PSG5: variants seen among roughly 807,000 people sequenced by gnomAD.
PSG5 encodes the protein pregnancy specific beta-1-glycoprotein 5.
Under a neutral mutation model 37.7 loss-of-function variants are expected in PSG5, and 53 were observed. That is an observed-to-expected ratio of 1.41 (90% confidence interval 1.13 to 1.77). PSG5 has a LOEUF of 1.77. Ranked by LOEUF, PSG5 falls within the 40% of genes most tolerant of loss-of-function variation. The pLI, the probability that PSG5 is intolerant of heterozygous loss-of-function variation, is 0.00. For missense variants in PSG5, 547 were observed against 405.2 expected, an observed-to-expected ratio of 1.35 and a Z score of -3.00; for synonymous variants, 221 against 155.4, an observed-to-expected ratio of 1.42 and a Z score of -3.14.
chr19:43,184,388 T>C (rs1405318733), intron 2 of PSG5, among the ~76,000 whole-genome samples: 1 of 151,462 alleles, frequency 6.6e-6, no homozygotes, highest in African/African-American at 2.4e-5. Context: ...GGGACAGAGG[T>C]CTGGGGTTGA....
rs1305997975 is a variant in PSG5 at position 43,172,366 on chromosome 19, A to G, written c.965-2228T>C. ...TGCCTGCTTTTGACACTTTTATTCA[A>G]CATAGTATTGAAAGGTCTAGTCAGA... On this transcript the variant is annotated intron_variant, in intron 4 of 5. Coordinates refer to ENST00000342951, the MANE Select transcript of PSG5 (RefSeq NM_002781.4). Among the ~76,000 whole-genome samples, 4 of 151,680 alleles carry G rather than the reference A, an allele frequency of 2.6e-5. No homozygotes were observed. In the Admixed American group the frequency reaches 2.6e-4, roughly 10 times the overall value.
chr19:43,171,646 A>G, intron 4 of PSG5: 1 of 791,958 alleles, frequency 1.3e-6, no homozygotes, highest in South Asian at 5.0e-5. Flanking sequence ...TAAGAAAAAA[A>G]GAGAAAAGTT....
At chr19:43,178,825 G>T in intron 2 of PSG5, 1 of 1,611,700 alleles carries the variant, frequency 6.2e-7, no homozygotes, top group East Asian at 2.2e-5. Flanking sequence ...CTGGCCTCTG[G>T]CCATGTGTAT....
At position 43,181,611 on chromosome 19, in the gene PSG5, AC is replaced by A. The variant is rs1310461616; in HGVS notation, c.430+3170del. 2.6e-5 allele frequency among the ~76,000 whole-genome samples: 4 copies of A among 151,674 alleles called. 1 individual carries two copies. Among genetic ancestry groups the A allele is most frequent in the Non-Finnish European group, 5.9e-5 (4 of 67,932 alleles). On this transcript the variant is annotated intron_variant, in intron 2 of 5. Transcript: ENST00000342951. The stretch of plus-strand genomic sequence containing the variant: ...GTAGCTGGGACTACAGGCATCCGCC[AC>A]CACGCCCAGCTAATTTTTTGTATTT...
At chr19:43,175,022 G>A (rs1285191395) in intron 4 of PSG5, 193 bp downstream of exon 4, 2 of 1,489,936 alleles carry the variant, frequency 1.3e-6, no homozygotes, top group Non-Finnish European at 9.0e-7. Context: ...CACAAGGTCA[G>A]CCATGAGAAA....
In PSG5 at chr19:43,175,338, G is replaced by A; in HGVS notation, c.841C>T (p.Gln281Ter). The change falls in exon 4 of 6, where the codon CAA becomes TAA. Residue 281 changes from glutamine (Q) to a stop codon, truncating the protein, a stop_gained. Transcript: ENST00000342951. LOFTEE classifies it high-confidence loss of function. ...YFWTINGKFQ[Q>*]SGQKLSIPQI... The stretch of plus-strand genomic sequence containing the variant: ...GGGATAGAGAGCTTTTGTCCTGATT[G>A]CTGAAACTTCCCATTAATTGTCCAA... The A allele has an allele frequency of 6.2e-7, 1 of 1,612,802 alleles. No individual in the cohort carries two copies. Among genetic ancestry groups the A allele is most frequent in the Non-Finnish European group, 8.5e-7 (1 of 1,179,242 alleles).
intron 1 of PSG5, among the ~76,000 whole-genome samples, chr19:43,185,530 G>C (rs1269256441): frequency 1.3e-5 from 2 of 149,622 alleles, no homozygotes; most frequent in African/African-American, 5.0e-5. Context: ...TTCCCTTTCT[G>C]ACCTTTCCCT....
At position 43,181,215 on chromosome 19, in the gene PSG5, T is replaced by A. The variant is rs986213212; in HGVS notation, c.430+3567A>T. 1.2e-4 allele frequency among the ~76,000 whole-genome samples: 18 copies of A among 151,680 alleles called. 1 individual carries two copies. The highest frequency in any genetic ancestry group is 2.9e-4 in the African/African-American group (12 of 41,218). On this transcript the variant is annotated intron_variant, in intron 2 of 5. Coordinates refer to ENST00000342951, the MANE Select transcript of PSG5 (RefSeq NM_002781.4). ...AACTGGTCCCCAAAACCACCAATATTCACATTACGTGTATCTGACAGCCTT... is the reference window on the plus strand; with the variant it reads ...AACTGGTCCCCAAAACCACCAATATACACATTACGTGTATCTGACAGCCTT...
chr19:43,170,906 T>G (rs1968892409), intron 4 of PSG5: 2 of 151,502 alleles, frequency 1.3e-5, no homozygotes, highest in African/African-American at 2.4e-5. Context: ...TCAGGCTTGA[T>G]TCTTTGCACT....
intron 2 of PSG5, among the ~76,000 whole-genome samples, chr19:43,178,168 G>T (rs916132960): frequency 1.3e-5 from 2 of 151,602 alleles, no homozygotes; most frequent in African/African-American, 4.9e-5. Flanking sequence ...GCTCTTCCCT[G>T]ATAGCTAGAT....
intron 2 of PSG5, among the ~76,000 whole-genome samples, chr19:43,184,572 G>A (rs113891589): frequency 0.013 from 1,898 of 151,610 alleles, 98 homozygotes; most frequent in African/African-American, 0.044. Context: ...CCTCTGCAGC[G>A]AGTGTCTGCA....
intron 1 of PSG5, among the ~76,000 whole-genome samples, chr19:43,185,954 T>TC (rs1371715696): frequency 6.6e-6 from 1 of 150,910 alleles, no homozygotes; most frequent in Non-Finnish European, 1.5e-5. Context: ...GAGACTTCTT[T>TC]CCTTTTTTTT....
In PSG5 at chr19:43,176,075, G is replaced by A; in HGVS notation, c.504C>T (p.Thr168=). The A allele has an allele frequency of 6.2e-7, 1 of 1,610,964 alleles. No individual in the cohort carries two copies. Among genetic ancestry groups the A allele is most frequent in the Non-Finnish European group, 8.5e-7 (1 of 1,179,174 alleles). The change falls in exon 3 of 6, where the codon ACC becomes ACT. Residue 168 remains threonine, a synonymous_variant. Transcript: ENST00000342951. ...PRENKDVLAF[T]CEPKSENYTY... Reference sequence around the variant, plus strand: ...TGTAGTTCTCACTCTTAGGTTCACAGGTGAAGGCTAAGACATCCTTATTCT... The same window carrying A: ...TGTAGTTCTCACTCTTAGGTTCACAAGTGAAGGCTAAGACATCCTTATTCT...
intron 1 of PSG5, 146 bp downstream of exon 1, chr19:43,186,196 T>C: frequency 7.1e-7 from 1 of 1,405,282 alleles, no homozygotes; most frequent in South Asian, 1.3e-5. Context: ...AGGACTGACC[T>C]TGAACTCCTG....
chr19:43,182,297 A>G (rs1439688064), intron 2 of PSG5, among the ~76,000 whole-genome samples: 4 of 151,734 alleles, frequency 2.6e-5, no homozygotes, highest in Admixed American at 1.3e-4. Flanking sequence ...TGACTGCTGC[A>G]ATGTTGTTTG....
chr19:43,181,402 C>A (rs1969125246), intron 2 of PSG5, among the ~76,000 whole-genome samples: 1 of 151,654 alleles, frequency 6.6e-6, no homozygotes, highest in Non-Finnish European at 1.5e-5. Flanking sequence ...GCCAGAGATT[C>A]TTTCCCCAGC....
chr19:43,178,321 G>A (rs960067217), intron 2 of PSG5, among the ~76,000 whole-genome samples: 1 of 151,532 alleles, frequency 6.6e-6, no homozygotes, highest in African/African-American at 2.4e-5. Flanking sequence ...TGGTGATTTG[G>A]GGAATAAAGC....
chr19:43,172,208 T>G (rs1009110717), intron 4 of PSG5, among the ~76,000 whole-genome samples: 2 of 151,516 alleles, frequency 1.3e-5, no homozygotes, highest in African/African-American at 4.9e-5. Context: ...TATTTTTTCA[T>G]AATGAAAACA....
intron 4 of PSG5, chr19:43,174,576 C>G: frequency 1.1e-6 from 1 of 945,450 alleles, no homozygotes; most frequent in Non-Finnish European, 1.3e-6. Flanking sequence ...GGCTCCCTCT[C>G]TTCTTATTTC....
Sources: gnomAD v4.1 joint callset for allele counts (sites outside exome capture counted in the v4.1 genomes callset) on GRCh38, gnomAD v4.1.1 for gene constraint, MANE v1.5 for transcripts, NCBI Gene and HGNC (gene_info 2026-07-23, HGNC 2026-07-21) for gene names.